The following EMSY variants were observed in gnomAD, a reference collection of about 807,000 sequenced individuals.
EMSY encodes the protein EMSY transcriptional repressor, BRCA2 interacting, also known as BRCA2-interacting transcriptional repressor EMSY.
Under a neutral mutation model 134.6 loss-of-function variants are expected in EMSY, and 26 were observed. The observed-to-expected ratio is 0.19, with a 90% CI of 0.14 to 0.27. The LOEUF (loss-of-function observed/expected upper bound fraction) is 0.27. EMSY is among the 10% of genes least tolerant of loss of function. The pLI is 1.00. For missense variants in EMSY, 1,305 were observed against 1,611.4 expected (o/e 0.81, Z 3.26); for synonymous variants, 579 against 577.8 (o/e 1.00, Z -0.03).
chr11:76,508,606 T>G (rs1950164964), intron 9 of EMSY, among the ~76,000 whole-genome samples: 1 of 152,248 alleles, frequency 6.6e-6, no homozygotes, highest in Non-Finnish European at 1.5e-5. Context: ...GGCATTGACT[T>G]CTTTATCTAT....
intron 2 of EMSY, 25 bp downstream of exon 2, chr11:76,447,033 T>C (rs779316533): frequency 1.9e-6 from 3 of 1,609,694 alleles, no homozygotes; most frequent in Non-Finnish European, 2.6e-6. Flanking sequence ...GTTTGTTTTT[T>C]ACCTCTCTCT....
chr11:76,503,951 A>ATTT (rs1264721522), intron 9 of EMSY, among the ~76,000 whole-genome samples: 10 of 141,560 alleles, frequency 7.1e-5, no homozygotes, highest in Admixed American at 6.4e-4. Context: ...CGCCCGGCTA[A>ATTT]TTTTTTTTTT....
chr11:76,456,979 G>A (rs1399957595), intron 4 of EMSY, among the ~76,000 whole-genome samples: 1 of 152,118 alleles, frequency 6.6e-6, no homozygotes, highest in African/African-American at 2.4e-5. Flanking sequence ...ACATTTATTA[G>A]TTGCGTGACC....
chr11:76,527,968 T>TA (rs921843825), intron 13 of EMSY, among the ~76,000 whole-genome samples: 1 of 152,098 alleles, frequency 6.6e-6, no homozygotes, highest in African/African-American at 2.4e-5. Flanking sequence ...GATATCATTT[T>TA]ACTATATAGT....
chr11:76,486,461 A>AT (rs1353130682), intron 8 of EMSY, among the ~76,000 whole-genome samples: 3 of 152,156 alleles, frequency 2.0e-5, no homozygotes, highest in Admixed American at 6.5e-5. Context: ...AGTGTGGATG[A>AT]TTTTCAAAAA....
chr11:76,544,884 A>G lies in EMSY; in HGVS notation c.3273+62A>G, dbSNP rs767476411. On this transcript the variant is annotated intron_variant, in intron 19 of 20. Transcript: ENST00000334736. ...TCTGTTCACGGAAAAAAAAATGAGA[A>G]CATCACGACCCTATCATGATATCAG... The G allele has an allele frequency of 8.6e-6, 13 of 1,514,784 alleles. No individual in the cohort carries two copies. In the South Asian group the frequency reaches 1.5e-4, roughly 18 times the overall value. 93.8% of individuals were successfully genotyped at this position (1,514,784 alleles called of 1,614,324 possible).
intron 11 of EMSY, chr11:76,516,607 A>G (rs1950459607): frequency 9.9e-6 from 2 of 202,526 alleles, no homozygotes; most frequent in South Asian, 9.9e-5. Flanking sequence ...GTATCCTTCT[A>G]TTTGTCAACC....
chr11:76,548,806 A>G (rs528894706), intron 20 of EMSY, among the ~76,000 whole-genome samples: 21 of 152,318 alleles, frequency 1.4e-4, no homozygotes, highest in Non-Finnish European at 2.6e-4. Flanking sequence ...TTCCCCAGTA[A>G]AGGGTTATTT....
At chr11:76,447,750 A>G (rs1047365220) in intron 2 of EMSY, among the ~76,000 whole-genome samples, 3 of 152,182 alleles carry the variant, frequency 2.0e-5, no homozygotes, top group African/African-American at 7.2e-5. Context: ...AAAAAGAGTT[A>G]TTACTCAAAT....
exon 19 of EMSY, chr11:76,544,497 A>C (rs1352818086): frequency 1.2e-6 from 2 of 1,614,144 alleles, no homozygotes; most frequent in Non-Finnish European, 1.7e-6. Context: ...ATCCACCTGC[A>C]GGCAGACCAG....
At chr11:76,552,511 T>C (rs897885482), downstream of EMSY, 1 of 152,218 alleles carries the variant, frequency 6.6e-6, no homozygotes, top group Non-Finnish European at 1.5e-5. Context: ...ATGCAAATGC[T>C]ACAGAATTTT....
intron 8 of EMSY, 22 bp from the exon 10 acceptor site, chr11:76,496,193 T>C (rs1266863445): frequency 6.3e-7 from 1 of 1,583,530 alleles, no homozygotes; most frequent in African/African-American, 1.4e-5. Context: ...AAATTCTCTT[T>C]TCCCTTACTC....
intron 10 of EMSY, among the ~76,000 whole-genome samples, chr11:76,515,910 C>T (rs1565337105): frequency 6.6e-6 from 1 of 152,112 alleles, no homozygotes; most frequent in Non-Finnish European, 1.5e-5. Flanking sequence ...TAATTTGATG[C>T]AACACATCAC....
chr11:76,450,057 CTTTTT>C (rs11334942), intron 2 of EMSY, among the ~76,000 whole-genome samples: 1 of 131,022 alleles, frequency 7.6e-6, no homozygotes. Context: ...TGTACATTTG[CTTTTT>C]TTTTTTTTTT....
exon 11 of EMSY, chr11:76,516,310 C>T (rs1950447959): frequency 6.2e-7 from 1 of 1,602,014 alleles, no homozygotes; most frequent in Non-Finnish European, 8.5e-7. Context: ...AATATAGTTT[C>T]TGGTAGGTAT....
chr11:76,472,590 C>T (rs374817161), exon 8 of EMSY: 424 of 1,613,912 alleles, frequency 2.6e-4, no homozygotes, highest in Non-Finnish European at 3.5e-4. Flanking sequence ...CATCACCAAG[C>T]TCAACCTTCG....
chr11:76,534,992 T>C (rs1951174277), intron 14 of EMSY, among the ~76,000 whole-genome samples: 1 of 152,162 alleles, frequency 6.6e-6, no homozygotes, highest in Non-Finnish European at 1.5e-5. Context: ...TTAGTATTTA[T>C]ATGTGTACCT....
intron 9 of EMSY, among the ~76,000 whole-genome samples, chr11:76,511,729 C>T (rs1950284823): frequency 1.3e-4 from 19 of 151,948 alleles, no homozygotes; most frequent in Admixed American, 1.2e-3. Flanking sequence ...ATAATAATAA[C>T]TGTAATTCAC....
rs188906101 is a variant in EMSY, at chr11:76,543,878, C to T, written c.2710-381C>T. On this transcript the variant is annotated intron_variant, in intron 18 of 20. Coordinates refer to ENST00000334736, the Ensembl canonical transcript of EMSY. ...GGCTTCTCTGAACCTTGGCTTTTCT[C>T]GGGACCTCATGGCTTGGTTACCGCT... 3.7e-4 allele frequency among the ~76,000 whole-genome samples: 57 copies of T among 152,236 alleles called. No homozygotes were observed. In the East Asian group the frequency reaches 4.8e-3, roughly 13 times the overall value.
Sources: allele counts gnomAD v4.1 joint callset (sites outside exome capture counted in the v4.1 genomes callset), GRCh38; gene constraint gnomAD v4.1.1; transcripts MANE v1.5; gene names NCBI Gene and HGNC (gene_info 2026-07-23, HGNC 2026-07-21).